Variants in AP4M1 observed in about 807,000 individuals in gnomAD.
AP4M1 encodes adaptor related protein complex 4 subunit mu 1.
A neutral mutation model predicts 62.4 loss-of-function variants in AP4M1; 58 were observed. That is an observed-to-expected ratio of 0.93 (90% CI 0.75 to 1.16). The LOEUF is 1.16. Ranked by LOEUF, AP4M1 falls within the 50% of genes most tolerant of loss-of-function variation. AP4M1 has a pLI of 0.00. For synonymous variants in AP4M1, 290 were observed against 239.7 expected (o/e 1.21, Z -1.94); for missense variants, 626 against 585.4 (o/e 1.07, Z -0.72).
rs748966136 is a variant in AP4M1, at chr7:100,104,089, C to T, written c.544-3C>T. On this transcript the variant is annotated splice_polypyrimidine_tract_variant and splice_region_variant and intron_variant, in intron 6 of 14. Transcript: ENST00000359593. ...AACCACCCAAATTCTCTCTCTTTCT[C>T]AGAGCCAAAAGAATGAAGTTTTTTT... is the stretch of plus-strand genomic sequence containing the variant. 6.2e-7 allele frequency: 1 copy of T among 1,613,850 alleles called. No individual in the cohort carries two copies. Among genetic ancestry groups the T allele is most frequent in the Admixed American group, 1.7e-5 (1 of 60,008 alleles).
At position 100,108,417 on chromosome 7, in the gene AP4M1, C is replaced by A. The variant is rs1225040600; in HGVS notation, c.*1535C>A. 1.2e-6 allele frequency: 2 copies of A among 1,613,730 alleles called. No homozygotes were observed. Among genetic ancestry groups the A allele is most frequent in the Admixed American group, 1.7e-5 (1 of 60,004 alleles). On this transcript the variant is annotated 3_prime_UTR_variant, in exon 15 of 15. Coordinates refer to ENST00000359593, the MANE Select transcript of AP4M1 (RefSeq NM_004722.4). ...TTGACCTGCTGAGCCTGCAGAGCAG[C>A]CTGGGCCCGAGCCTTGACCACCTGG...
chr7:100,102,589 A>G (rs1422597449), intron 2 of AP4M1, 86 bp from the exon 3 acceptor site: 10 of 1,179,870 alleles, frequency 8.5e-6, no homozygotes, highest in Non-Finnish European at 1.0e-5. Context: ...AGTAAGAGGC[A>G]TCGGGATCCG....
rs775696735 is a variant in AP4M1 at position 100,105,948 on chromosome 7, C to T, written c.930-11C>T. 12 of 1,614,036 alleles carry T rather than the reference C, an allele frequency of 7.4e-6. No individual in the cohort carries two copies. The highest frequency in any genetic ancestry group is 1.0e-5 in the Non-Finnish European group (12 of 1,180,020). On this transcript the variant is annotated splice_polypyrimidine_tract_variant and intron_variant, in intron 11 of 14. Transcript: ENST00000359593. The stretch of plus-strand genomic sequence containing the variant: ...ATGGCCTGAGTCGTGGTGTTTTACC[C>T]TCTCATCCAGGCTCCAGGTTTATCT...
At chr7:100,103,061 C>CTTTTTTTTTTTT (rs55764736) in intron 4 of AP4M1, 101 bp downstream of exon 4, 8 of 530,830 alleles carry the variant, frequency 1.5e-5, no homozygotes, top group Admixed American at 3.3e-5. Flanking sequence ...CCAAGTCTAC[C>CTTTTTTTTTTTT]TTTTTTTTTT....
chr7:100,106,410 CAG>C lies in AP4M1; in HGVS notation c.1034_1035del (p.Gln345ArgfsTer10). 6.2e-7 allele frequency: 1 copy of C among 1,613,726 alleles called. No individual in the cohort carries two copies. The stretch of plus-strand genomic sequence containing the variant: ...TCCCTTTCCAAACTCCAGCCTGTCT[CAG>C]GAGCTGAGCAGCCCAGAGCAGAAGG... ...PLPRGVVSLS[Q>X]ELSSPEQKAE... On this transcript the variant is annotated frameshift_variant, in exon 14 of 15. Transcript: ENST00000359593. LOFTEE classifies it high-confidence loss of function.
intron 2 of AP4M1, 114 bp from the exon 3 acceptor site, chr7:100,102,561 G>C: frequency 2.3e-6 from 2 of 865,590 alleles, no homozygotes; most frequent in Non-Finnish European, 3.8e-6. Flanking sequence ...ATCTCCCAAA[G>C]GCACTGCTGT....
In AP4M1 at chr7:100,102,900, G is replaced by T. The variant is rs1224854482; in HGVS notation, c.291G>T (p.Leu97=). The T allele has an allele frequency of 6.2e-7, 1 of 1,613,928 alleles. No individual in the cohort carries two copies. Among genetic ancestry groups the T allele is most frequent in the Non-Finnish European group, 8.5e-7 (1 of 1,180,018 alleles). The part of the protein sequence containing the change: ...ATLLGDYCGS[L]GEGTISRNVA... ...TTCTGGGCGATTACTGTGGCTCCCT[G>T]GGCGAGGGGACCATCTCCCGCAATG... The change falls in exon 4 of 15, where the codon CTG becomes CTT. Residue 97 remains leucine (L), a synonymous_variant. Transcript: ENST00000359593.
Position 100,106,964 on chromosome 7 carries a change from C to G in AP4M1, c.*82C>G, listed in dbSNP as rs1796568591. On this transcript the variant is annotated 3_prime_UTR_variant, in exon 15 of 15. Coordinates refer to ENST00000359593, the MANE Select transcript of AP4M1 (RefSeq NM_004722.4). ...GTCGTTTCTTTTCCAGCCTCCTGGCCTTCGGACTCTGAATCTGGGCAGGAA... is the reference window on the plus strand; with the variant it reads ...GTCGTTTCTTTTCCAGCCTCCTGGCGTTCGGACTCTGAATCTGGGCAGGAA... 1.4e-6 allele frequency: 2 copies of G among 1,465,188 alleles called. No homozygotes were observed. The highest frequency in any genetic ancestry group is 1.2e-5 in the South Asian group (1 of 83,506). The allele number at this position is 1,465,188 out of a possible 1,614,324, so 90.8% of individuals were successfully genotyped here.
Position 100,102,846 on chromosome 7 carries a change from C to G in AP4M1, c.255-18C>G. ...GTCTGAGAGGAGGAGAAAATACACG[C>G]TCCAAGTGTTTCCTCAGGTTGGCCA... On this transcript the variant is annotated intron_variant, in intron 3 of 14. Transcript: ENST00000359593. 1 of 1,613,840 alleles carries G rather than the reference C, an allele frequency of 6.2e-7. No individual in the cohort carries two copies. The highest frequency in any genetic ancestry group is 8.5e-7 in the Non-Finnish European group (1 of 1,179,752).
rs776521741 is a variant in AP4M1, at chr7:100,107,382, G to A, written c.*500G>A. On this transcript the variant is annotated 3_prime_UTR_variant, in exon 15 of 15. Transcript: ENST00000359593. ...ACTGCCGCTGAGTGGGGACGGGGAC[G>A]ATGCCGGGGGAGGAACTGGAGAAGG... The A allele has an allele frequency of 2.6e-5, 41 of 1,592,190 alleles. No individual in the cohort carries two copies. Among genetic ancestry groups the A allele is most frequent in the South Asian group, 1.0e-4 (9 of 89,138 alleles).
At position 100,105,238 on chromosome 7, in the gene AP4M1, A is replaced by G. The variant is rs1250247926; in HGVS notation, c.728-2A>G. The G allele has an allele frequency of 3.7e-6, 6 of 1,613,666 alleles. No homozygotes were observed. In the East Asian group the frequency reaches 6.7e-5, roughly 18 times the overall value. Reference sequence around the variant, plus strand: ...GAGAAGTCTCTCTCTCTCTCTTTCCAGGTTATGGGCCAGGAATCCGGGTCG... The same window carrying G: ...GAGAAGTCTCTCTCTCTCTCTTTCCGGGTTATGGGCCAGGAATCCGGGTCG... On this transcript the variant is annotated splice_acceptor_variant, in intron 9 of 14. Transcript: ENST00000359593. LOFTEE classifies it high-confidence loss of function.
rs1217823193 is a variant in AP4M1 at position 100,104,639 on chromosome 7, T to C, written c.607-235T>C. 2.0e-5 allele frequency among the ~76,000 whole-genome samples: 3 copies of C among 152,194 alleles called. No individual in the cohort carries two copies. In the East Asian group the frequency reaches 5.8e-4, roughly 29 times the overall value. On this transcript the variant is annotated intron_variant, in intron 7 of 14. Coordinates refer to ENST00000359593, the MANE Select transcript of AP4M1 (RefSeq NM_004722.4). ...TAAGGTCAGGAGTTTGAGACCAGCC[T>C]GGCCAACACAGTGAAACTCCATCTC... is the stretch of plus-strand genomic sequence containing the variant.
intron 6 of AP4M1, 145 bp from the exon 7 acceptor site, chr7:100,103,947 G>T (rs1285414889): frequency 2.5e-6 from 2 of 785,730 alleles, no homozygotes; most frequent in Non-Finnish European, 4.4e-6. Context: ...CCAGATGTGG[G>T]TGGAGGTGGG....
At chr7:100,101,391 C>A (rs1796021589), upstream of AP4M1, 4 of 1,541,738 alleles carry the variant, frequency 2.6e-6, no homozygotes, top group Admixed American at 1.7e-5. Flanking sequence ...GCCGGCCAAC[C>A]GAAATTGGCG....
At chr7:100,102,104 G>C in intron 2 of AP4M1, 136 bp downstream of exon 2, 1 of 990,504 alleles carries the variant, frequency 1.0e-6, no homozygotes, top group Non-Finnish European at 1.5e-6. Flanking sequence ...CGTGAGGCCC[G>C]GCGCGGTGGC....
chr7:100,104,170 C>A lies in AP4M1; in HGVS notation c.606+16C>A, dbSNP rs566323691. The A allele has an allele frequency of 6.8e-6, 11 of 1,611,044 alleles. No homozygotes were observed. In the South Asian group the frequency reaches 1.1e-4, roughly 16 times the overall value. ...AGCATCTAATGTAAGTTTGAGCTCC[C>A]AAACCTGGAGCTGAGGACAGATGGG... On this transcript the variant is annotated intron_variant, in intron 7 of 14. Coordinates refer to ENST00000359593, the MANE Select transcript of AP4M1 (RefSeq NM_004722.4).
upstream of AP4M1, chr7:100,101,579 T>G: frequency 1.0e-6 from 1 of 982,604 alleles, no homozygotes; most frequent in Non-Finnish European, 1.6e-6. Context: ...GCGCCGGGTT[T>G]CCCGCGGTCC....
At chr7:100,104,556 C>T (rs149819414) in intron 7 of AP4M1, among the ~76,000 whole-genome samples, 9 of 152,100 alleles carry the variant, frequency 5.9e-5, no homozygotes, top group Admixed American at 2.0e-4. Context: ...AAAGGCTGGG[C>T]ACAGTGGCTC....
chr7:100,101,117 T>C (rs894744467), upstream of AP4M1: 8 of 1,002,594 alleles, frequency 8.0e-6, no homozygotes, highest in Non-Finnish European at 1.2e-5. Flanking sequence ...CCGTGGGCCT[T>C]AGCCAGGCCG....
Sources: gnomAD v4.1 joint callset for allele counts (sites outside exome capture counted in the v4.1 genomes callset) on GRCh38, gnomAD v4.1.1 for gene constraint, MANE v1.5 for transcripts, NCBI Gene and HGNC (gene_info 2026-07-23, HGNC 2026-07-21) for gene names.